SNX18: variants seen among roughly 807,000 people sequenced by gnomAD.
SNX18 encodes the protein sorting nexin 18.
In SNX18, 35 loss-of-function variants were observed where a neutral mutation model predicts 48.7. The ratio of observed to expected loss-of-function variants is 0.72; its 90% CI spans 0.55 to 0.95. The LOEUF (loss-of-function observed/expected upper bound fraction) is 0.95, where lower values mean the gene tolerates loss of function less well. Among genes scored for constraint, SNX18 ranks in the 40% least tolerant of loss-of-function variants. SNX18 has a pLI of 0.00. For missense variants in SNX18, 824 were observed against 871.0 expected, an observed-to-expected ratio of 0.95 and a Z score of 0.68; for synonymous variants, 492 against 384.7, an observed-to-expected ratio of 1.28 and a Z score of -3.26.
At chr5:54,553,556 G>C in the SNX18 span, among the ~76,000 whole-genome samples, 2 of 152,204 alleles carry the variant, frequency 1.3e-5, no homozygotes, top group African/African-American at 4.8e-5. Context: ...ATTCTCCTTA[G>C]AGTGACTCTT....
the SNX18 span, among the ~76,000 whole-genome samples, chr5:54,560,810 A>T: frequency 6.4e-3 from 979 of 152,200 alleles, 10 homozygotes; most frequent in African/African-American, 0.022. Flanking sequence ...GCACCAGGTG[A>T]CAATCATGTC....
the SNX18 span, among the ~76,000 whole-genome samples, chr5:54,601,478 TG>T: frequency 1.3e-5 from 2 of 152,172 alleles, no homozygotes; most frequent in Non-Finnish European, 2.9e-5. Flanking sequence ...CTGCTTGCTT[TG>T]GTACATCCTG....
chr5:54,595,793 A>G, the SNX18 span, among the ~76,000 whole-genome samples: 1 of 152,210 alleles, frequency 6.6e-6, no homozygotes, highest in Non-Finnish European at 1.5e-5. Context: ...AAAGTCTGAA[A>G]TAAAGATATT....
intron 1 of SNX18, among the ~76,000 whole-genome samples, chr5:54,523,444 C>A (rs1762068805): frequency 6.6e-6 from 1 of 152,130 alleles, no homozygotes; most frequent in Non-Finnish European, 1.5e-5. Context: ...ATGAGAAATA[C>A]TGGTTTCATC....
chr5:54,589,581 A>G, the SNX18 span, among the ~76,000 whole-genome samples: 2 of 152,254 alleles, frequency 1.3e-5, no homozygotes, highest in African/African-American at 4.8e-5. Context: ...AGAATTAGTC[A>G]GGTATGAAAA....
At chr5:54,586,644 A>G in the SNX18 span, among the ~76,000 whole-genome samples, 1 of 152,202 alleles carries the variant, frequency 6.6e-6, no homozygotes, top group Non-Finnish European at 1.5e-5. Flanking sequence ...AACAGCATTA[A>G]TCCATTCATG....
At chr5:54,540,439 ACTCCTGAC>A (rs1762446300) in intron 1 of SNX18, among the ~76,000 whole-genome samples, 1 of 150,784 alleles carries the variant, frequency 6.6e-6, no homozygotes, top group Admixed American at 6.6e-5. Context: ...CTGGTCTCAA[ACTCCTGAC>A]CTCAACCCAT....
the SNX18 span, among the ~76,000 whole-genome samples, chr5:54,637,664 A>C: frequency 6.6e-6 from 1 of 152,232 alleles, no homozygotes; most frequent in African/African-American, 2.4e-5. Context: ...GGCAGTTGAC[A>C]TTACCTGATA....
intron 1 of SNX18, among the ~76,000 whole-genome samples, chr5:54,521,974 C>A (rs997563259): frequency 6.6e-6 from 1 of 152,134 alleles, no homozygotes; most frequent in African/African-American, 2.4e-5. Context: ...TTAACAGATT[C>A]AAGAGCACTA....
chr5:54,609,214 C>T, the SNX18 span, among the ~76,000 whole-genome samples: 2 of 152,108 alleles, frequency 1.3e-5, no homozygotes, highest in Non-Finnish European at 2.9e-5. Flanking sequence ...GCTAGTGCCA[C>T]CGAGGAGCTG....
At chr5:54,555,695 C>T in the SNX18 span, among the ~76,000 whole-genome samples, 1 of 151,898 alleles carries the variant, frequency 6.6e-6, no homozygotes, top group Admixed American at 6.6e-5. Context: ...GGCATTGTGG[C>T]ACATGCCCGT....
chr5:54,539,545 G>A (rs1762425484), intron 1 of SNX18, among the ~76,000 whole-genome samples: 1 of 151,980 alleles, frequency 6.6e-6, no homozygotes, highest in African/African-American at 2.4e-5. Flanking sequence ...ACGTTATCTT[G>A]GAGAAAGCCA....
intron 1 of SNX18, among the ~76,000 whole-genome samples, chr5:54,541,830 G>A (rs1298820527): frequency 6.6e-6 from 1 of 152,110 alleles, no homozygotes; most frequent in Admixed American, 6.6e-5. Context: ...ACTGCTTTAC[G>A]TTTAAGGGTT....
At chr5:54,523,072 C>T (rs973866227) in intron 1 of SNX18, among the ~76,000 whole-genome samples, 2 of 152,104 alleles carry the variant, frequency 1.3e-5, no homozygotes, top group African/African-American at 4.8e-5. Context: ...TAATAGGAGT[C>T]CTTTAAGTTC....
At chr5:54,580,724 C>T in the SNX18 span, among the ~76,000 whole-genome samples, 3 of 152,138 alleles carry the variant, frequency 2.0e-5, no homozygotes, top group African/African-American at 4.8e-5. Context: ...AGTAAGTACC[C>T]ATCTGTCCAA....
the SNX18 span, among the ~76,000 whole-genome samples, chr5:54,579,791 A>G: frequency 6.6e-6 from 1 of 152,258 alleles, no homozygotes; most frequent in South Asian, 2.1e-4. Context: ...AGCAAGGTCC[A>G]CAGGAGGGTG....
chr5:54,539,943 C>T (rs1158603783), intron 1 of SNX18, among the ~76,000 whole-genome samples: 1 of 151,998 alleles, frequency 6.6e-6, no homozygotes, highest in African/African-American at 2.4e-5. Flanking sequence ...GCGATTTCGG[C>T]TCACTGCAAC....
the SNX18 span, among the ~76,000 whole-genome samples, chr5:54,567,775 C>T: frequency 1.3e-5 from 2 of 152,154 alleles, no homozygotes; most frequent in South Asian, 2.1e-4. Flanking sequence ...GGAGGATACT[C>T]GGAAGGCACC....
At chr5:54,628,906 G>C in the SNX18 span, among the ~76,000 whole-genome samples, 1 of 152,010 alleles carries the variant, frequency 6.6e-6, no homozygotes, top group South Asian at 2.1e-4. Context: ...TCTCCCCCTC[G>C]AGAAAACCCT....
Sources: gnomAD v4.1 joint callset for allele counts (sites outside exome capture counted in the v4.1 genomes callset) on GRCh38, gnomAD v4.1.1 for gene constraint, MANE v1.5 for transcripts, NCBI Gene and HGNC (gene_info 2026-07-23, HGNC 2026-07-21) for gene names.